Variants in MAP7 observed in about 807,000 individuals in gnomAD.
The protein encoded by MAP7 is microtubule associated protein 7.
Under a neutral mutation model 94.8 loss-of-function variants are expected in MAP7, and 52 were observed. The observed-to-expected ratio is 0.55, with a 90% CI of 0.44 to 0.69. MAP7 has a LOEUF of 0.69. Among genes scored for constraint, MAP7 ranks in the 30% least tolerant of loss-of-function variants. MAP7 has a pLI of 0.00. For synonymous variants in MAP7, 350 were observed against 357.0 expected (o/e 0.98, Z 0.22); for missense variants, 940 against 964.6 (o/e 0.97, Z 0.34).
intron 1 of MAP7, among the ~76,000 whole-genome samples, chr6:136,547,888 T>G (rs1219243554): frequency 1.3e-5 from 2 of 152,106 alleles, no homozygotes; most frequent in Non-Finnish European, 2.9e-5. Flanking sequence ...TATAATAACC[T>G]GATATTCTCA....
chr6:136,393,764 G>C (rs1168657427), intron 3 of MAP7, among the ~76,000 whole-genome samples: 1 of 149,862 alleles, frequency 6.7e-6, no homozygotes, highest in Non-Finnish European at 1.5e-5. Flanking sequence ...GCCTCCTAAA[G>C]GGACTACAGG....
intron 1 of MAP7, among the ~76,000 whole-genome samples, chr6:136,489,592 A>C (rs1815929389): frequency 6.7e-6 from 1 of 148,502 alleles, no homozygotes; most frequent in Non-Finnish European, 1.5e-5. Flanking sequence ...CAGTGGCGCA[A>C]TCTGAGCTCA....
At chr6:136,488,230 A>T (rs1169815378) in intron 1 of MAP7, among the ~76,000 whole-genome samples, 1 of 152,168 alleles carries the variant, frequency 6.6e-6, no homozygotes, top group African/African-American at 2.4e-5. Context: ...GGTAGTAGTG[A>T]CACTATCTTG....
At position 136,525,706 on chromosome 6, in the gene MAP7, G is replaced by A. The variant is rs566740712; in HGVS notation, c.67+24636C>T. The A allele has an allele frequency of 1.0e-4, 103 of 983,470 alleles. No homozygotes were observed. In the African/African-American group the frequency reaches 1.6e-3, roughly 15 times the overall value. The allele number at this position is 983,470 out of a possible 1,614,324, so 60.9% of individuals were successfully genotyped here. On this transcript the variant is annotated intron_variant, in intron 1 of 17. Transcript: ENST00000354570. ...AGGGTATAAACACTACCAGCAAACC[G>A]TGCTAGGAGGTCACAAGCACTCCCT...
intron 1 of MAP7, among the ~76,000 whole-genome samples, chr6:136,504,087 A>G (rs959595469): frequency 7.9e-5 from 12 of 152,220 alleles, no homozygotes; most frequent in Non-Finnish European, 2.9e-5. Context: ...AAACTTCAGT[A>G]GGGGAAGTAA....
intron 1 of MAP7, among the ~76,000 whole-genome samples, chr6:136,496,902 G>A (rs996271963): frequency 9.2e-5 from 14 of 151,532 alleles, no homozygotes; most frequent in African/African-American, 1.9e-4. Context: ...TGCAGTAAGC[G>A]GAGATCGCGC....
intron 1 of MAP7, among the ~76,000 whole-genome samples, chr6:136,520,199 C>CA (rs61528866): frequency 0.039 from 2,528 of 65,656 alleles, 36 homozygotes; most frequent in Middle Eastern, 0.059. Context: ...GAGTTTGCCT[C>CA]AAAAAAAAAA....
intron 13 of MAP7, 131 bp downstream of exon 13, chr6:136,360,566 T>G: frequency 5.6e-6 from 4 of 711,364 alleles, no homozygotes; most frequent in East Asian, 5.0e-5. Context: ...TTGCAGGAGA[T>G]TGTTATCACT....
chr6:136,388,697 T>A (rs1483095982), intron 4 of MAP7, among the ~76,000 whole-genome samples, 187 bp from the exon 5 acceptor site: 1 of 152,154 alleles, frequency 6.6e-6, no homozygotes, highest in East Asian at 1.9e-4. Context: ...AGTCATTAGG[T>A]CCCAGTTCAT....
chr6:136,354,858 T>C (rs1249510889), intron 16 of MAP7, among the ~76,000 whole-genome samples: 1 of 152,222 alleles, frequency 6.6e-6, no homozygotes, highest in African/African-American at 2.4e-5. Flanking sequence ...TGCTTGGTGA[T>C]ATTACTACTG....
Position 136,454,323 on chromosome 6 carries a change from C to CTATCTATCTATA in MAP7, c.68-32525_68-32524insTATAGATAGATA, listed in dbSNP as rs911885733. Among the ~76,000 whole-genome samples the CTATCTATCTATA allele has an allele frequency of 3.2e-4, 49 of 151,668 alleles. 1 individual carries two copies. The highest frequency in any genetic ancestry group is 1.2e-3 in the African/African-American group (48 of 41,292). Reference sequence around the variant, plus strand: ...TCTATCTATCTATCTATCTATCTATCTGAGACAGGGTCTTACGCTGTCTCC... The same window carrying CTATCTATCTATA: ...TCTATCTATCTATCTATCTATCTATCTATCTATCTATATGAGACAGGGTCTTACGCTGTCTCC... On this transcript the variant is annotated intron_variant, in intron 1 of 17. Transcript: ENST00000354570.
At chr6:136,503,790 C>A (rs1042779324) in intron 1 of MAP7, among the ~76,000 whole-genome samples, 1 of 152,196 alleles carries the variant, frequency 6.6e-6, no homozygotes, top group Non-Finnish European at 1.5e-5. Context: ...CTGCCATGAG[C>A]TGCAGGCAGA....
At chr6:136,422,195 C>T (rs557266485) in intron 1 of MAP7, among the ~76,000 whole-genome samples, 1 of 152,322 alleles carries the variant, frequency 6.6e-6, no homozygotes, top group African/African-American at 2.4e-5. Flanking sequence ...GTATATTCAA[C>T]ATCATTTAAT....
At position 136,389,522 on chromosome 6, in the gene MAP7, G is replaced by A. The variant is rs200339534; in HGVS notation, c.245-5C>T. The A allele has an allele frequency of 8.8e-5, 141 of 1,599,686 alleles. No homozygotes were observed. The African/African-American group carries it at 1.2e-3, about 13-fold the overall frequency. On this transcript the variant is annotated splice_region_variant and splice_polypyrimidine_tract_variant and intron_variant, in intron 3 of 17. Coordinates refer to ENST00000354570, the MANE Select transcript of MAP7 (RefSeq NM_003980.6). ...ACCACACTATTTCTCTTGCAGCTTT[G>A]GGGAGGGTTAAAAAAAAAAAAAAAG...
intron 1 of MAP7, among the ~76,000 whole-genome samples, chr6:136,462,447 A>T (rs919742455): frequency 2.2e-4 from 34 of 152,092 alleles, no homozygotes; most frequent in Admixed American, 1.3e-3. Flanking sequence ...TACACAGCAG[A>T]TTTTATGTTT....
At chr6:136,456,497 C>A (rs899970206) in intron 1 of MAP7, among the ~76,000 whole-genome samples, 1 of 151,816 alleles carries the variant, frequency 6.6e-6, no homozygotes, top group Admixed American at 6.6e-5. Flanking sequence ...CATAGGGAGA[C>A]CCTGTCTCTA....
At chr6:136,350,023 C>T (rs750549889) in intron 16 of MAP7, among the ~76,000 whole-genome samples, 1 of 152,068 alleles carries the variant, frequency 6.6e-6, no homozygotes, top group African/African-American at 2.4e-5. Context: ...CATTTATTTA[C>T]GAATATATTA....
intron 2 of MAP7, among the ~76,000 whole-genome samples, chr6:136,414,099 A>C (rs1788434519): frequency 6.6e-6 from 1 of 151,448 alleles, no homozygotes; most frequent in Non-Finnish European, 1.5e-5. Context: ...AATACAAAAA[A>C]AAAATTAGCC....
At chr6:136,534,276 G>C (rs1317041397) in intron 1 of MAP7, among the ~76,000 whole-genome samples, 1 of 152,192 alleles carries the variant, frequency 6.6e-6, no homozygotes, top group South Asian at 2.1e-4. Flanking sequence ...AGGCTGGCAG[G>C]CTCGAAACTC....
Sources: allele counts gnomAD v4.1 joint callset (sites outside exome capture counted in the v4.1 genomes callset), GRCh38; gene constraint gnomAD v4.1.1; transcripts MANE v1.5; gene names NCBI Gene and HGNC (gene_info 2026-07-23, HGNC 2026-07-21).